HPCAL1: variants seen among roughly 807,000 people sequenced by gnomAD.
HPCAL1 encodes hippocalcin-like protein 1.
Under a neutral mutation model 17.1 loss-of-function variants are expected in HPCAL1, and 8 were observed. That is an observed-to-expected ratio of 0.47 (90% CI 0.27 to 0.84). HPCAL1 has a LOEUF of 0.84. HPCAL1 is among the 40% of genes least tolerant of loss of function. HPCAL1 has a pLI of 0.13. For synonymous variants in HPCAL1, 112 were observed against 111.4 expected (o/e 1.01, Z -0.03); for missense variants, 165 against 271.1 (o/e 0.61, Z 2.75).
chr2:10,355,860 G>T (rs1212278086), intron 1 of HPCAL1, among the ~76,000 whole-genome samples: 2 of 152,034 alleles, frequency 1.3e-5, no homozygotes, highest in East Asian at 3.9e-4. Context: ...GGCTATGAGG[G>T]TCTCAGAAAC....
intron 1 of HPCAL1, among the ~76,000 whole-genome samples, chr2:10,308,586 G>A (rs1197278598): frequency 6.6e-6 from 1 of 152,062 alleles, no homozygotes; most frequent in Non-Finnish European, 1.5e-5. Context: ...CCCCAGCACC[G>A]ACGAAGTGAG....
At chr2:10,320,495 GT>G in intron 1 of HPCAL1, among the ~76,000 whole-genome samples, 1 of 152,284 alleles carries the variant, frequency 6.6e-6, no homozygotes, top group East Asian at 1.9e-4. Flanking sequence ...GTGATTGTAG[GT>G]TTCCCGAGGC....
chr2:10,415,649 C>G (rs187971830), intron 2 of HPCAL1, among the ~76,000 whole-genome samples: 1 of 151,944 alleles, frequency 6.6e-6, no homozygotes, highest in Non-Finnish European at 1.5e-5. Flanking sequence ...GAGCCACATG[C>G]GGTTTGGTCG....
chr2:10,388,715 C>T (rs758095156), intron 1 of HPCAL1, among the ~76,000 whole-genome samples: 39 of 152,228 alleles, frequency 2.6e-4, no homozygotes, highest in Admixed American at 7.2e-4. Context: ...GTCCCACTCC[C>T]TGCCGACCTC....
intron 2 of HPCAL1, among the ~76,000 whole-genome samples, chr2:10,407,001 C>G (rs957949995): frequency 6.6e-6 from 1 of 152,116 alleles, no homozygotes; most frequent in Admixed American, 6.5e-5. Context: ...TCCAAAGACT[C>G]AAGCTGGAGT....
chr2:10,316,241 G>C (rs946960616), intron 1 of HPCAL1, among the ~76,000 whole-genome samples: 1 of 152,008 alleles, frequency 6.6e-6, no homozygotes, highest in Non-Finnish European at 1.5e-5. Flanking sequence ...TGCTTTTCAC[G>C]GCCCTGGCTT....
At chr2:10,415,237 A>T (rs896886415) in intron 2 of HPCAL1, among the ~76,000 whole-genome samples, 2 of 151,838 alleles carry the variant, frequency 1.3e-5, no homozygotes, top group Non-Finnish European at 2.9e-5. Flanking sequence ...GGTGTGCCTC[A>T]CGCTGCCTGG....
At chr2:10,312,525 A>G in intron 1 of HPCAL1, among the ~76,000 whole-genome samples, 1 of 150,544 alleles carries the variant, frequency 6.6e-6, no homozygotes, top group South Asian at 2.1e-4. Context: ...CATTATCACC[A>G]TCATCATCAC....
At chr2:10,334,251 A>AG (rs1664566282) in intron 1 of HPCAL1, among the ~76,000 whole-genome samples, 1 of 152,178 alleles carries the variant, frequency 6.6e-6, no homozygotes, top group South Asian at 2.1e-4. Context: ...CGGGAGGCTG[A>AG]GGCAGGAGGA....
chr2:10,411,916 G>A (rs960247896), intron 2 of HPCAL1, among the ~76,000 whole-genome samples: 2 of 152,212 alleles, frequency 1.3e-5, no homozygotes, highest in African/African-American at 4.8e-5. Context: ...CTCTGGGCCT[G>A]TTGTTCTCCT....
At position 10,395,444 on chromosome 2, in the gene HPCAL1, T is replaced by C. The variant is rs555515675; in HGVS notation, c.-110-1391T>C. ...TGAAACGGACGATTTCCTGACCTTG[T>C]GGCGCTCACAGTCAGGGGGGTGGGT... On this transcript the variant is annotated intron_variant, in intron 1 of 4. Coordinates refer to ENST00000307845, the MANE Select transcript of HPCAL1 (RefSeq NM_002149.4). This position sits in a 1 kb window ranked among gnomAD's most constrained non-coding sequence, Gnocchi z 4.4. Among the ~76,000 whole-genome samples the C allele has an allele frequency of 3.2e-4, 42 of 130,934 alleles. No homozygotes were observed. The highest frequency in any genetic ancestry group is 1.1e-3 in the African/African-American group (40 of 35,114). 85.9% of individuals were successfully genotyped at this position (130,934 alleles called of 152,430 possible).
Position 10,359,576 on chromosome 2 carries a change from G to A in HPCAL1, c.-110-37259G>A, listed in dbSNP as rs1666395696. Among the ~76,000 whole-genome samples the A allele has an allele frequency of 6.6e-6, 1 of 152,198 alleles. No homozygotes were observed. The highest frequency in any genetic ancestry group is 1.5e-5 in the Non-Finnish European group (1 of 68,022). On this transcript the variant is annotated intron_variant, in intron 1 of 4. Coordinates refer to ENST00000307845, the MANE Select transcript of HPCAL1 (RefSeq NM_002149.4). The surrounding 1 kb of genome is among the most constrained non-coding windows in gnomAD (Gnocchi z 4.1). The stretch of plus-strand genomic sequence containing the variant: ...CTTCCCAGGTGGCCTGGAGGATGAA[G>A]TCAGGGCTCTGGCCTCATTGAGGGC...
At chr2:10,373,224 A>G (rs1667336265) in intron 1 of HPCAL1, among the ~76,000 whole-genome samples, 1 of 152,232 alleles carries the variant, frequency 6.6e-6, no homozygotes, top group Non-Finnish European at 1.5e-5. Context: ...GCTTTGGGCC[A>G]GCATTTGGGC....
At chr2:10,410,347 G>A (rs940727340) in intron 2 of HPCAL1, among the ~76,000 whole-genome samples, 6 of 151,506 alleles carry the variant, frequency 4.0e-5, no homozygotes, top group African/African-American at 1.5e-4. Flanking sequence ...TAATTTACAG[G>A]CAATACCGAC....
chr2:10,351,887 C>T (rs1665862408), intron 1 of HPCAL1, among the ~76,000 whole-genome samples: 1 of 149,108 alleles, frequency 6.7e-6, no homozygotes, highest in African/African-American at 2.5e-5. Flanking sequence ...TGAGTTCCTT[C>T]CTTCCTTCCT....
chr2:10,384,459 C>T lies in HPCAL1; in HGVS notation c.-110-12376C>T, dbSNP rs770848950. ...CTCGCTCACACTCACTACTGCCCTC[C>T]ACAAACTGCCATGCTTGCTTGGTGC... On this transcript the variant is annotated intron_variant, in intron 1 of 4. Coordinates refer to ENST00000307845, the MANE Select transcript of HPCAL1 (RefSeq NM_002149.4). The surrounding 1 kb of genome is among the most constrained non-coding windows in gnomAD (Gnocchi z 4.4). Among the ~76,000 whole-genome samples the T allele has an allele frequency of 1.3e-5, 2 of 152,212 alleles. No individual in the cohort carries two copies. Among genetic ancestry groups the T allele is most frequent in the Non-Finnish European group, 2.9e-5 (2 of 68,040 alleles).
chr2:10,375,389 C>T (rs11683601), intron 1 of HPCAL1, among the ~76,000 whole-genome samples: 5,174 of 152,262 alleles, frequency 0.034, 128 homozygotes, highest in South Asian at 0.13. Context: ...TCCCAGGACT[C>T]GGGGCTTTCC....
chr2:10,325,291 A>AT (rs1173512489), intron 1 of HPCAL1, among the ~76,000 whole-genome samples: 1 of 151,956 alleles, frequency 6.6e-6, no homozygotes, highest in Non-Finnish European at 1.5e-5. Context: ...TCGTAATTAC[A>AT]TTTTTGCAGG....
chr2:10,401,070 C>T (rs1250097680), intron 2 of HPCAL1, among the ~76,000 whole-genome samples: 1 of 152,186 alleles, frequency 6.6e-6, no homozygotes, highest in Non-Finnish European at 1.5e-5. Flanking sequence ...GTCTGCTCAG[C>T]CACACAGGCA....
Sources: gnomAD v4.1 joint callset for allele counts (sites outside exome capture counted in the v4.1 genomes callset) on GRCh38, gnomAD v4.1.1 for gene constraint, Gnocchi (gnomAD v3.1) non-coding constraint, MANE v1.5 for transcripts, NCBI Gene and HGNC (gene_info 2026-07-23, HGNC 2026-07-21) for gene names.